Variants in HACD2 observed in about 807,000 individuals in gnomAD.
HACD2 encodes 3-hydroxyacyl-CoA dehydratase 2.
HACD2 carries 15 observed loss-of-function variants against 31.0 expected under a neutral mutation model. The ratio of observed to expected loss-of-function variants is 0.48; its 90% CI spans 0.32 to 0.75. The LOEUF is 0.75. Among genes scored for constraint, HACD2 ranks in the 30% least tolerant of loss-of-function variants. The pLI is 0.03. For synonymous variants in HACD2, 115 were observed against 122.2 expected (o/e 0.94, Z 0.39); for missense variants, 283 against 313.0 (o/e 0.90, Z 0.72).
chr3:123,529,212 TGCCTCAGCCTCCC>T (rs1227448629), intron 3 of HACD2, among the ~76,000 whole-genome samples: 3 of 152,168 alleles, frequency 2.0e-5, no homozygotes, highest in African/African-American at 7.2e-5. Flanking sequence ...GTGATTCTTG[TGCCTCAGCCTCCC>T]AAGTAGCTGG....
At position 123,494,469 on chromosome 3, in the gene HACD2, A is replaced by C. The variant is rs894389288; in HGVS notation, c.*419T>G. The C allele has an allele frequency of 1.9e-5, 4 of 212,872 alleles. No individual in the cohort carries two copies. In the South Asian group the frequency reaches 3.1e-4, roughly 17 times the overall value. The allele number at this position is 212,872 out of a possible 1,614,324, so 13.2% of individuals were successfully genotyped here. A position where few individuals can be genotyped will look rare whatever the true frequency, so the allele number is the denominator to read the frequency against. On this transcript the variant is annotated 3_prime_UTR_variant, in exon 7 of 7. Coordinates refer to ENST00000383657, the MANE Select transcript of HACD2 (RefSeq NM_198402.5). ...CAAGCACTTTGACAAGGGAATGCTAAACACACTGCAGACTGAAACATAACT... is the reference window on the plus strand; with the variant it reads ...CAAGCACTTTGACAAGGGAATGCTACACACACTGCAGACTGAAACATAACT...
chr3:123,534,694 G>A (rs780196994), intron 3 of HACD2, among the ~76,000 whole-genome samples: 14 of 152,026 alleles, frequency 9.2e-5, no homozygotes, highest in Non-Finnish European at 2.1e-4. Context: ...TATAGGAGAT[G>A]GCAGCTCCAT....
chr3:123,503,642 A>G (rs1016028702), intron 4 of HACD2, among the ~76,000 whole-genome samples: 5 of 148,252 alleles, frequency 3.4e-5, no homozygotes, highest in African/African-American at 1.3e-4. Flanking sequence ...GTTTGTAATG[A>G]CCTTTTGTGC....
At chr3:123,559,539 C>T (rs373147401) in intron 3 of HACD2, among the ~76,000 whole-genome samples, 15 of 152,302 alleles carry the variant, frequency 9.8e-5, no homozygotes, top group African/African-American at 3.1e-4. Flanking sequence ...GAGATCATCA[C>T]GTATTCAGTC....
At chr3:123,524,861 C>G (rs2056259439) in intron 4 of HACD2, among the ~76,000 whole-genome samples, 1 of 152,120 alleles carries the variant, frequency 6.6e-6, no homozygotes, top group Non-Finnish European at 1.5e-5. Flanking sequence ...GAATCCAATC[C>G]TGACTCTGCC....
Position 123,497,031 on chromosome 3 carries a change from C to T in HACD2, c.683-2061G>A, listed in dbSNP as rs142912403. On this transcript the variant is annotated intron_variant, in intron 6 of 6. Transcript: ENST00000383657. ...ACATCTCCCAGAGATTCCTCAGTACCCAGAGAAAGGAATGTGGATGGGAGG... is the reference window on the plus strand; with the variant it reads ...ACATCTCCCAGAGATTCCTCAGTACTCAGAGAAAGGAATGTGGATGGGAGG... Among the ~76,000 whole-genome samples the T allele has an allele frequency of 3.9e-5, 6 of 152,316 alleles. No homozygotes were observed. The East Asian group carries it at 1.2e-3, about 29-fold the overall frequency.
chr3:123,540,543 T>C (rs1204727392), intron 3 of HACD2, among the ~76,000 whole-genome samples: 1 of 152,194 alleles, frequency 6.6e-6, no homozygotes, highest in African/African-American at 2.4e-5. Flanking sequence ...GTGAAGATAA[T>C]AGATGTCATT....
chr3:123,515,505 G>A (rs886099310), intron 4 of HACD2, among the ~76,000 whole-genome samples: 2 of 152,156 alleles, frequency 1.3e-5, no homozygotes, highest in Admixed American at 6.5e-5. Context: ...CCTTGGGTGG[G>A]AGGGCAGCTC....
intron 4 of HACD2, among the ~76,000 whole-genome samples, chr3:123,520,994 C>G (rs891682319): frequency 6.6e-6 from 1 of 152,106 alleles, no homozygotes; most frequent in African/African-American, 2.4e-5. Flanking sequence ...AGTGAAAAGT[C>G]AAGCATCTTT....
intron 3 of HACD2, among the ~76,000 whole-genome samples, chr3:123,538,731 A>G (rs2056454686): frequency 6.6e-6 from 1 of 152,246 alleles, no homozygotes; most frequent in African/African-American, 2.4e-5. Flanking sequence ...CCAGCATTTT[A>G]CGATGTGAGT....
chr3:123,555,299 T>G (rs1405928339), intron 3 of HACD2, among the ~76,000 whole-genome samples: 1 of 152,110 alleles, frequency 6.6e-6, no homozygotes, highest in Non-Finnish European at 1.5e-5. Context: ...AAAACTGTCT[T>G]TGTTCAAAGA....
At chr3:123,581,022 G>C (rs1258930943) in intron 2 of HACD2, among the ~76,000 whole-genome samples, 2 of 151,938 alleles carry the variant, frequency 1.3e-5, no homozygotes, top group Non-Finnish European at 2.9e-5. Flanking sequence ...GGGTTTCACT[G>C]TGTTAGCCAG....
At chr3:123,547,082 T>C (rs1043534646) in intron 3 of HACD2, among the ~76,000 whole-genome samples, 1 of 152,226 alleles carries the variant, frequency 6.6e-6, no homozygotes, top group Non-Finnish European at 1.5e-5. Flanking sequence ...GAGCCAAGAA[T>C]GTGGCAACTC....
chr3:123,564,127 C>T (rs1217631210), intron 3 of HACD2, among the ~76,000 whole-genome samples: 4 of 152,200 alleles, frequency 2.6e-5, no homozygotes, highest in Non-Finnish European at 5.9e-5. Context: ...TGGTGGCCGG[C>T]GGCAGCCCTG....
intron 2 of HACD2, among the ~76,000 whole-genome samples, chr3:123,576,914 G>A (rs1008281299): frequency 7.9e-5 from 12 of 152,318 alleles, no homozygotes; most frequent in Admixed American, 2.0e-4. Context: ...GATCTGAAGA[G>A]CATTGTGAAG....
In HACD2 at chr3:123,563,640, TATATACACACACACACACAC is replaced by T. The variant is rs55901564; in HGVS notation, c.292+4102_292+4121del. Among the ~76,000 whole-genome samples the T allele has an allele frequency of 8.6e-3, 785 of 91,236 alleles. 5 individuals carry two copies. The highest frequency in any genetic ancestry group is 0.021 in the Admixed American group (173 of 8,152). The allele number at this position is 91,236 out of a possible 152,430, so 59.9% of individuals were successfully genotyped here. A position where few individuals can be genotyped will look rare whatever the true frequency, so the allele number is the denominator to read the frequency against. On this transcript the variant is annotated intron_variant, in intron 3 of 6. Coordinates refer to ENST00000383657, the MANE Select transcript of HACD2 (RefSeq NM_198402.5). ...TCTTTTTTGAATTGACAAAAAAATATATATACACACACACACACACACACACACACACACACACACTTATG... is the reference window on the plus strand; with the variant it reads ...TCTTTTTTGAATTGACAAAAAAATATACACACACACACACACACACTTATG...
chr3:123,494,802 A>G lies in HACD2; in HGVS notation c.*86T>C, dbSNP rs1174454860. The G allele has an allele frequency of 4.8e-6, 4 of 837,110 alleles. No homozygotes were observed. Among genetic ancestry groups the G allele is most frequent in the Non-Finnish European group, 7.8e-6 (4 of 514,748 alleles). 51.9% of individuals were successfully genotyped at this position (837,110 alleles called of 1,614,324 possible). A position where few individuals can be genotyped will look rare whatever the true frequency, so the allele number is the denominator to read the frequency against. On this transcript the variant is annotated 3_prime_UTR_variant, in exon 7 of 7. Transcript: ENST00000383657. ...TAAAAATAGTTCTTACTTATTTTCT[A>G]TGAAACGTATTGGGAACTCAAAAAA... is the stretch of plus-strand genomic sequence containing the variant.
chr3:123,498,863 C>T (rs932409020), intron 6 of HACD2, among the ~76,000 whole-genome samples: 9 of 152,144 alleles, frequency 5.9e-5, no homozygotes, highest in Non-Finnish European at 1.3e-4. Flanking sequence ...CAGGCACTGC[C>T]ACTACACCAA....
intron 3 of HACD2, chr3:123,543,561 C>A (rs918185835): frequency 4.4e-6 from 1 of 225,710 alleles, no homozygotes; most frequent in East Asian, 1.3e-4. Flanking sequence ...ATAGCTTTTG[C>A]ATTTTATACC....
Sources: gnomAD v4.1 joint callset for allele counts (sites outside exome capture counted in the v4.1 genomes callset) on GRCh38, gnomAD v4.1.1 for gene constraint, MANE v1.5 for transcripts, NCBI Gene and HGNC (gene_info 2026-07-23, HGNC 2026-07-21) for gene names.